WDFY2: variants seen among roughly 807,000 people sequenced by gnomAD.
The protein encoded by WDFY2 is WD repeat and FYVE domain containing 2, also known as WD repeat and FYVE domain-containing protein 2.
WDFY2 carries 36 observed loss-of-function variants against 56.4 expected under a neutral mutation model. That is an observed-to-expected ratio of 0.64 (90% CI 0.49 to 0.84). The LOEUF is 0.84. Among genes scored for constraint, WDFY2 ranks in the 40% least tolerant of loss-of-function variants. WDFY2 has a pLI of 0.00. For synonymous variants in WDFY2, 176 were observed against 183.7 expected (o/e 0.96, Z 0.34); for missense variants, 444 against 512.2 (o/e 0.87, Z 1.29).
intron 5 of WDFY2, among the ~76,000 whole-genome samples, chr13:51,726,305 T>C (rs778388259): frequency 2.0e-5 from 3 of 152,206 alleles, no homozygotes; most frequent in Non-Finnish European, 4.4e-5. Flanking sequence ...CTGCATAATA[T>C]TCTATTGTGT....
chr13:51,756,083 C>G (rs1020276054), intron 9 of WDFY2, among the ~76,000 whole-genome samples: 1 of 152,128 alleles, frequency 6.6e-6, no homozygotes, highest in Non-Finnish European at 1.5e-5. Context: ...TTGGAAAGGA[C>G]CAAGAGTAGG....
In WDFY2 at chr13:51,586,216, C is replaced by A. The variant is rs576817214; in HGVS notation, c.137+1392C>A. On this transcript the variant is annotated intron_variant, in intron 1 of 11. Coordinates refer to ENST00000298125, the MANE Select transcript of WDFY2 (RefSeq NM_052950.4). ...AAGACTGCTTCTGGACCTAGAAATT[C>A]TTTGGCACAGTATTGTTTTTATGGG... The A allele has an allele frequency of 3.5e-5, 14 of 395,538 alleles. 1 individual carries two copies. The South Asian group carries it at 1.8e-3, about 51-fold the overall frequency. 24.5% of individuals were successfully genotyped at this position (395,538 alleles called of 1,614,324 possible).
intron 1 of WDFY2, among the ~76,000 whole-genome samples, chr13:51,595,534 C>T (rs982302339): frequency 6.6e-6 from 1 of 152,138 alleles, no homozygotes; most frequent in Non-Finnish European, 1.5e-5. Flanking sequence ...CCTGTTGGGG[C>T]TAAGGTCCTC....
chr13:51,603,961 G>A (rs1954335791), intron 1 of WDFY2, among the ~76,000 whole-genome samples: 1 of 152,186 alleles, frequency 6.6e-6, no homozygotes, highest in Non-Finnish European at 1.5e-5. Context: ...TGGAGTGTTT[G>A]CCTAGTGAAA....
chr13:51,685,852 A>C (rs1436409336), intron 3 of WDFY2, among the ~76,000 whole-genome samples: 1 of 152,178 alleles, frequency 6.6e-6, no homozygotes, highest in Admixed American at 6.5e-5. Context: ...ATGCATTGGC[A>C]TTTCCAATAC....
At chr13:51,706,520 T>C (rs1952085023) in intron 4 of WDFY2, among the ~76,000 whole-genome samples, 1 of 152,212 alleles carries the variant, frequency 6.6e-6, no homozygotes, top group African/African-American at 2.4e-5. Flanking sequence ...TTTCCACTAA[T>C]TGGCCCTGAA....
chr13:51,617,604 C>G (rs1030954510), intron 1 of WDFY2, among the ~76,000 whole-genome samples: 1 of 152,148 alleles, frequency 6.6e-6, no homozygotes, highest in Non-Finnish European at 1.5e-5. Flanking sequence ...CTGTAAGTTT[C>G]ATTGTGTTTT....
intron 7 of WDFY2, among the ~76,000 whole-genome samples, chr13:51,739,779 G>A (rs1428512868): frequency 6.6e-6 from 1 of 152,206 alleles, no homozygotes; most frequent in Non-Finnish European, 1.5e-5. Context: ...TCCGGTCCCT[G>A]TCTGCTAAGA....
intron 3 of WDFY2, among the ~76,000 whole-genome samples, chr13:51,700,677 ATAT>A (rs1951964623): frequency 1.3e-5 from 2 of 152,242 alleles, no homozygotes; most frequent in South Asian, 2.1e-4. Context: ...TATTAAAGTA[ATAT>A]TATGGTCAGG....
intron 6 of WDFY2, among the ~76,000 whole-genome samples, chr13:51,730,812 A>C (rs1237160110): frequency 6.6e-6 from 1 of 152,170 alleles, no homozygotes; most frequent in Non-Finnish European, 1.5e-5. Flanking sequence ...GTGTGAGAGC[A>C]TGGCTCTCTA....
At chr13:51,610,987 G>T (rs1954492131) in intron 1 of WDFY2, among the ~76,000 whole-genome samples, 1 of 152,160 alleles carries the variant, frequency 6.6e-6, no homozygotes, top group Non-Finnish European at 1.5e-5. Context: ...GTGGTATGGG[G>T]AAGTAAGAGA....
intron 1 of WDFY2, chr13:51,587,647 C>G (rs1334181913): frequency 6.6e-6 from 1 of 152,190 alleles, no homozygotes; most frequent in African/African-American, 2.4e-5. Context: ...CAGTCACATG[C>G]ATACATGGTA....
chr13:51,736,137 G>A (rs908977588), intron 6 of WDFY2, among the ~76,000 whole-genome samples: 9 of 152,140 alleles, frequency 5.9e-5, no homozygotes, highest in Admixed American at 3.9e-4. Flanking sequence ...TATAGATGAG[G>A]TCTCCTGTAC....
chr13:51,656,382 T>G (rs7333623), intron 1 of WDFY2, among the ~76,000 whole-genome samples: 15,787 of 152,034 alleles, frequency 0.1, 1,022 homozygotes, highest in East Asian at 0.29. Flanking sequence ...ATTTTAAAAT[T>G]TATTAAGAAT....
chr13:51,621,478 T>C (rs1382722178), intron 1 of WDFY2, among the ~76,000 whole-genome samples: 1 of 152,130 alleles, frequency 6.6e-6, no homozygotes, highest in Non-Finnish European at 1.5e-5. Context: ...GCACTGCAGC[T>C]TGGGCGACAA....
intron 1 of WDFY2, chr13:51,589,039 C>CT (rs1953996938): frequency 6.6e-6 from 1 of 152,156 alleles, no homozygotes; most frequent in African/African-American, 2.4e-5. Flanking sequence ...TGTGTTCTCT[C>CT]TAAGTCCTGA....
intron 7 of WDFY2, 116 bp downstream of exon 7, chr13:51,739,291 G>A (rs1952912080): frequency 2.4e-6 from 3 of 1,253,336 alleles, no homozygotes; most frequent in African/African-American, 1.5e-5. Context: ...GAACATGGCG[G>A]GAACACAAAT....
chr13:51,590,771 A>T lies in WDFY2; in HGVS notation c.137+5947A>T, dbSNP rs939105544. ...GAAATTCCCTAACAGAGAAAAAAAA[A>T]ACAAAAAAAACTCCCCTTGTGCAAC... On this transcript the variant is annotated intron_variant, in intron 1 of 11. Coordinates refer to ENST00000298125, the MANE Select transcript of WDFY2 (RefSeq NM_052950.4). The T allele has an allele frequency of 4.6e-5, 7 of 152,166 alleles. No homozygotes were observed. In the East Asian group the frequency reaches 1.2e-3, roughly 25 times the overall value. 9.4% of individuals were successfully genotyped at this position (152,166 alleles called of 1,614,324 possible).
chr13:51,710,492 C>T (rs897848870), intron 4 of WDFY2, among the ~76,000 whole-genome samples: 5 of 152,094 alleles, frequency 3.3e-5, no homozygotes, highest in Admixed American at 6.6e-5. Flanking sequence ...AAGAGGAAGT[C>T]AAATTGTCTG....
Sources: allele counts gnomAD v4.1 joint callset (sites outside exome capture counted in the v4.1 genomes callset), GRCh38; gene constraint gnomAD v4.1.1; transcripts MANE v1.5; gene names NCBI Gene and HGNC (gene_info 2026-07-23, HGNC 2026-07-21).